The following ERN1 variants were observed in gnomAD, a reference collection of about 807,000 sequenced individuals.
ERN1 encodes the protein endoplasmic reticulum to nucleus signaling 1, also known as serine/threonine-protein kinase/endoribonuclease IRE1.
In ERN1, 39 loss-of-function variants were observed where a neutral mutation model predicts 113.1. The ratio of observed to expected loss-of-function variants is 0.34; its 90% CI spans 0.27 to 0.45. The LOEUF (loss-of-function observed/expected upper bound fraction) is 0.45. ERN1 is among the 20% of genes least tolerant of loss of function. The pLI is 1.00. For synonymous variants in ERN1, 507 were observed against 515.9 expected (o/e 0.98, Z 0.23); for missense variants, 976 against 1,274.8 (o/e 0.77, Z 3.57).
intron 1 of ERN1, among the ~76,000 whole-genome samples, chr17:64,107,622 C>T (rs1202071170): frequency 6.6e-6 from 1 of 152,130 alleles, no homozygotes; most frequent in South Asian, 2.1e-4. Flanking sequence ...GCCTACAAAA[C>T]AGATTTTTAT....
intron 19 of ERN1, among the ~76,000 whole-genome samples, chr17:64,046,193 C>G (rs1486042193): frequency 1.3e-5 from 2 of 152,184 alleles, no homozygotes; most frequent in African/African-American, 4.8e-5. Context: ...TCAGAGCAGC[C>G]TTTTCTATGA....
chr17:64,126,410 C>A (rs908257051), intron 1 of ERN1, among the ~76,000 whole-genome samples: 1 of 152,090 alleles, frequency 6.6e-6, no homozygotes, highest in Non-Finnish European at 1.5e-5. Flanking sequence ...GAGTCCAAAT[C>A]TGGGGCAGGC....
intron 2 of ERN1, among the ~76,000 whole-genome samples, chr17:64,088,035 C>T (rs1913984381): frequency 6.6e-6 from 1 of 152,166 alleles, no homozygotes; most frequent in South Asian, 2.1e-4. Flanking sequence ...AGATTGACGG[C>T]CTCTCTCTGG....
chr17:64,118,417 C>T (rs1394298584), intron 1 of ERN1, among the ~76,000 whole-genome samples: 1 of 152,198 alleles, frequency 6.6e-6, no homozygotes, highest in Non-Finnish European at 1.5e-5. Context: ...AGCTAAATGC[C>T]TATCTGCTCA....
At chr17:64,084,736 A>G (rs897187317) in intron 2 of ERN1, among the ~76,000 whole-genome samples, 1 of 152,152 alleles carries the variant, frequency 6.6e-6, no homozygotes, top group African/African-American at 2.4e-5. Flanking sequence ...TGGTTCATAA[A>G]TCCCAAGCAG....
At chr17:64,120,854 C>G (rs1372903703) in intron 1 of ERN1, among the ~76,000 whole-genome samples, 4 of 152,194 alleles carry the variant, frequency 2.6e-5, no homozygotes, top group African/African-American at 9.7e-5. Flanking sequence ...ACCTCCCACC[C>G]CCATCCACAA....
chr17:64,053,211 C>T, intron 16 of ERN1, 61 bp downstream of exon 16: 1 of 1,412,962 alleles, frequency 7.1e-7, no homozygotes, highest in Non-Finnish European at 9.6e-7. Context: ...CTGGTTAGCC[C>T]CACCTGGGCC....
chr17:64,107,842 T>C (rs956832527), intron 1 of ERN1, among the ~76,000 whole-genome samples: 4 of 152,344 alleles, frequency 2.6e-5, no homozygotes, highest in African/African-American at 4.8e-5. Flanking sequence ...GTTTTAAAGA[T>C]TTCAGTCCAC....
At chr17:64,053,484 T>C (rs748589397) in intron 15 of ERN1, 113 bp from the exon 16 acceptor site, 2 of 619,282 alleles carry the variant, frequency 3.2e-6, no homozygotes, top group African/African-American at 1.9e-5. Context: ...ACTGACAACA[T>C]TCTGTCTAAA....
intron 2 of ERN1, chr17:64,097,755 T>C (rs1210241682): frequency 5.2e-6 from 1 of 190,614 alleles, no homozygotes; most frequent in East Asian, 1.3e-4. Context: ...GTTGAGAAGA[T>C]ACCTTCTTGT....
rs888742612 is a variant in ERN1, at chr17:64,122,552, G to T, written c.54+7424C>A. On this transcript the variant is annotated intron_variant, in intron 1 of 21. Transcript: ENST00000433197. ...GAATTCTTTGGAAATTCCCTTCAAA[G>T]AATATACTTTTGAATCCCCTAAATG... 8.5e-5 allele frequency among the ~76,000 whole-genome samples: 13 copies of T among 152,272 alleles called. No homozygotes were observed. The Middle Eastern group carries it at 0.014, about 159-fold the overall frequency.
At chr17:64,090,359 G>T (rs1306396380) in intron 2 of ERN1, among the ~76,000 whole-genome samples, 1 of 152,200 alleles carries the variant, frequency 6.6e-6, no homozygotes, top group Non-Finnish European at 1.5e-5. Flanking sequence ...AGCAGCTGAA[G>T]TCTACTGCGT....
intron 17 of ERN1, among the ~76,000 whole-genome samples, chr17:64,050,804 C>T (rs746121338): frequency 2.6e-5 from 4 of 152,136 alleles, no homozygotes; most frequent in Non-Finnish European, 5.9e-5. Flanking sequence ...AGTGTTACGG[C>T]GTGCGTGCGT....
intron 4 of ERN1, among the ~76,000 whole-genome samples, chr17:64,076,756 C>T (rs1055201159): frequency 1.3e-5 from 2 of 152,180 alleles, no homozygotes; most frequent in African/African-American, 4.8e-5. Flanking sequence ...CCCGCCACTG[C>T]GCCTGGCTAA....
rs1220708590 is a variant in ERN1, at chr17:64,049,573, CG to C, written c.2254-372del. 6.6e-6 allele frequency among the ~76,000 whole-genome samples: 1 copy of C among 152,202 alleles called. No homozygotes were observed. Among genetic ancestry groups the C allele is most frequent in the Non-Finnish European group, 1.5e-5 (1 of 68,036 alleles). On this transcript the variant is annotated intron_variant, in intron 17 of 21. Transcript: ENST00000433197. The surrounding 1 kb of genome is among the most constrained non-coding windows in gnomAD (Gnocchi z 4.7). The stretch of plus-strand genomic sequence containing the variant: ...TGTTATATATTCCTTACCCCCAACA[CG>C]AAAGTGCTCACAGACAGGGTCTCTG...
Position 64,077,808 on chromosome 17 carries a change from T to G in ERN1, c.282+1854A>C, listed in dbSNP as rs187986367. Among the ~76,000 whole-genome samples the G allele has an allele frequency of 8.7e-3, 1,327 of 151,826 alleles. 18 individuals carry two copies. The highest frequency in any genetic ancestry group is 0.029 in the African/African-American group (1,217 of 41,364). On this transcript the variant is annotated intron_variant, in intron 4 of 21. Transcript: ENST00000433197. ...TTGCCCAGGCTGGAGTGTAGTGGCG[T>G]GATCTCAGCTCACTGCAAGCTCCAC...
intron 2 of ERN1, among the ~76,000 whole-genome samples, chr17:64,097,241 G>A (rs1160832587): frequency 6.6e-6 from 1 of 152,190 alleles, no homozygotes; most frequent in Non-Finnish European, 1.5e-5. Flanking sequence ...GGATGGTAAC[G>A]AGGTTTGCTG....
intron 19 of ERN1, 87 bp from the exon 20 acceptor site, chr17:64,045,569 T>G (rs888109996): frequency 2.6e-6 from 4 of 1,565,642 alleles, no homozygotes; most frequent in Non-Finnish European, 3.5e-6. Flanking sequence ...AGATCATCAC[T>G]GACACATAAG....
chr17:64,064,273 G>C, intron 9 of ERN1, 122 bp from the exon 10 acceptor site: 1 of 1,132,670 alleles, frequency 8.8e-7, no homozygotes, highest in Non-Finnish European at 1.2e-6. Context: ...CCAGGACAGA[G>C]CAAGACACAA....
Sources: gnomAD v4.1 joint callset for allele counts (sites outside exome capture counted in the v4.1 genomes callset) on GRCh38, gnomAD v4.1.1 for gene constraint, Gnocchi (gnomAD v3.1) non-coding constraint, MANE v1.5 for transcripts, NCBI Gene and HGNC (gene_info 2026-07-23, HGNC 2026-07-21) for gene names.